SDK1: variants seen among roughly 807,000 people sequenced by gnomAD.
SDK1 encodes the protein sidekick cell adhesion molecule 1.
A neutral mutation model predicts 245.5 loss-of-function variants in SDK1; 157 were observed. The ratio of observed to expected loss-of-function variants is 0.64; its 90% CI spans 0.56 to 0.73. The LOEUF (loss-of-function observed/expected upper bound fraction) is 0.73. SDK1 is among the 30% of genes least tolerant of loss of function. The pLI is 0.00. For missense variants in SDK1, 3,583 were observed against 3,002.3 expected (o/e 1.19, Z -4.52); for synonymous variants, 1,647 against 1,278.5 (o/e 1.29, Z -6.15).
intron 17 of SDK1, among the ~76,000 whole-genome samples, chr7:4,039,258 T>G (rs1172191369): frequency 6.6e-6 from 1 of 151,850 alleles, no homozygotes; most frequent in African/African-American, 2.4e-5. Flanking sequence ...CATATGTAAC[T>G]AACCAGCACG....
At chr7:3,417,918 G>T (rs947279066) in intron 1 of SDK1, among the ~76,000 whole-genome samples, 6 of 152,104 alleles carry the variant, frequency 3.9e-5, no homozygotes, top group Admixed American at 3.3e-4. Context: ...AAGTGAGTTT[G>T]CAAAGTATCT....
intron 4 of SDK1, among the ~76,000 whole-genome samples, chr7:3,653,492 G>T (rs945792324): frequency 1.3e-5 from 2 of 152,098 alleles, no homozygotes; most frequent in African/African-American, 4.8e-5. Context: ...AGGCCACAGT[G>T]TTAGAGTAGA....
intron 2 of SDK1, among the ~76,000 whole-genome samples, chr7:3,622,038 G>A (rs79534813): frequency 0.029 from 4,482 of 152,142 alleles, 188 homozygotes; most frequent in African/African-American, 0.096. Context: ...ATTAGTGTTC[G>A]GAGCATGCTT....
chr7:3,336,508 T>C (rs1433553218), intron 1 of SDK1, among the ~76,000 whole-genome samples: 1 of 152,088 alleles, frequency 6.6e-6, no homozygotes, highest in Non-Finnish European at 1.5e-5. Flanking sequence ...CTTGACCTCT[T>C]CCATCCCCAT....
intron 40 of SDK1, among the ~76,000 whole-genome samples, chr7:4,226,279 C>T (rs889615711): frequency 2.0e-5 from 3 of 152,210 alleles, no homozygotes; most frequent in South Asian, 2.1e-4. Context: ...GACGGGCACT[C>T]GGTGCCAGGC....
intron 4 of SDK1, among the ~76,000 whole-genome samples, chr7:3,670,398 G>C (rs1040981778): frequency 4.6e-5 from 7 of 152,124 alleles, no homozygotes; most frequent in Admixed American, 4.6e-4. Context: ...TCAGATACCT[G>C]AGTTTGAATC....
At chr7:3,903,441 C>T (rs537121098) in intron 5 of SDK1, among the ~76,000 whole-genome samples, 9 of 152,206 alleles carry the variant, frequency 5.9e-5, no homozygotes, top group African/African-American at 9.6e-5. Flanking sequence ...CCACCGCGCC[C>T]GGCCGACAGT....
intron 14 of SDK1, among the ~76,000 whole-genome samples, chr7:3,999,351 C>T (rs1193741006): frequency 3.3e-5 from 5 of 152,046 alleles, no homozygotes; most frequent in African/African-American, 4.8e-5. Flanking sequence ...GGTCCATTTT[C>T]GAGGCAAAGA....
chr7:3,570,253 CTG>C (rs1423812088), intron 1 of SDK1, among the ~76,000 whole-genome samples: 1 of 152,184 alleles, frequency 6.6e-6, no homozygotes, highest in African/African-American at 2.4e-5. Context: ...GGGGATGAAA[CTG>C]TTCAGATCAT....
At chr7:4,037,275 T>A (rs916989036) in intron 17 of SDK1, among the ~76,000 whole-genome samples, 7 of 152,214 alleles carry the variant, frequency 4.6e-5, no homozygotes, top group African/African-American at 1.7e-4. Context: ...CTGGGAGAAC[T>A]GATGTTAGTA....
intron 17 of SDK1, among the ~76,000 whole-genome samples, chr7:4,034,729 G>A (rs958965944): frequency 3.9e-5 from 6 of 152,050 alleles, no homozygotes; most frequent in Admixed American, 6.6e-5. Context: ...AAGCCTATTC[G>A]CTGCAACACC....
rs1341029822 is a variant in SDK1, at chr7:4,268,608, G to A, written c.*3224G>A. On this transcript the variant is annotated 3_prime_UTR_variant, in exon 45 of 45. Transcript: ENST00000404826. ...CCGTGTTTGTATCTAACTGTGACTG[G>A]GCTGAAGCATGATGTTTGCCTAATG... 1.5e-6 allele frequency: 2 copies of A among 1,366,076 alleles called. No homozygotes were observed. Among genetic ancestry groups the A allele is most frequent in the African/African-American group, 3.0e-5 (2 of 67,728 alleles). The allele number at this position is 1,366,076 out of a possible 1,614,324, so 84.6% of individuals were successfully genotyped here. A position where few individuals can be genotyped will look rare whatever the true frequency, so the allele number is the denominator to read the frequency against.
chr7:4,074,034 T>G (rs1780454699), intron 20 of SDK1, among the ~76,000 whole-genome samples: 2 of 152,072 alleles, frequency 1.3e-5, no homozygotes, highest in South Asian at 2.1e-4. Context: ...CCGTAGGTGT[T>G]TTTTTAGGGT....
chr7:3,541,917 A>T (rs1451375021), intron 1 of SDK1, among the ~76,000 whole-genome samples: 1 of 152,218 alleles, frequency 6.6e-6, no homozygotes, highest in African/African-American at 2.4e-5. Context: ...TCTTTAAGAG[A>T]AGAAGGACTA....
intron 15 of SDK1, 37 bp downstream of exon 15, chr7:4,011,150 GC>G (rs1562664463): frequency 6.2e-7 from 1 of 1,606,536 alleles, no homozygotes; most frequent in Non-Finnish European, 8.5e-7. Context: ...GTGTGGAACA[GC>G]CGGGGGCCTG....
intron 1 of SDK1, among the ~76,000 whole-genome samples, chr7:3,329,677 A>T (rs902827082): frequency 5.3e-5 from 8 of 152,138 alleles, no homozygotes; most frequent in Non-Finnish European, 1.0e-4. Context: ...TTCCACACTC[A>T]TCCATTTTGT....
chr7:3,585,774 A>T (rs1238731331), intron 1 of SDK1, among the ~76,000 whole-genome samples: 1 of 152,134 alleles, frequency 6.6e-6, no homozygotes. Flanking sequence ...ACGGGGGAGA[A>T]ATCTAAAGAC....
In SDK1 at chr7:3,875,681, T is replaced by C. The variant is rs1189399242; in HGVS notation, c.847+54098T>C. On this transcript the variant is annotated intron_variant, in intron 5 of 44. Transcript: ENST00000404826. ...TAGGAAAGATTGGCAAAAACTGGGG[T>C]GTGGGCAGGGATCTAAAGGAAGGAG... 2.0e-5 allele frequency among the ~76,000 whole-genome samples: 3 copies of C among 152,090 alleles called. No individual in the cohort carries two copies. The East Asian group carries it at 5.8e-4, about 29-fold the overall frequency.
At chr7:3,941,160 C>A (rs980495357) in intron 5 of SDK1, among the ~76,000 whole-genome samples, 2 of 152,042 alleles carry the variant, frequency 1.3e-5, no homozygotes, top group African/African-American at 2.4e-5. Flanking sequence ...GTCTTAGGTG[C>A]CTCTGTCCCT....
Sources: allele counts gnomAD v4.1 joint callset (sites outside exome capture counted in the v4.1 genomes callset), GRCh38; gene constraint gnomAD v4.1.1; transcripts MANE v1.5; gene names NCBI Gene and HGNC (gene_info 2026-07-23, HGNC 2026-07-21).